HIKESHI: variants seen among roughly 807,000 people sequenced by gnomAD.
HIKESHI encodes heat shock protein nuclear import factor hikeshi.
Under a neutral mutation model 25.7 loss-of-function variants are expected in HIKESHI, and 13 were observed. The observed-to-expected ratio is 0.51, with a 90% CI of 0.33 to 0.80. HIKESHI has a LOEUF of 0.80. HIKESHI is among the 30% of genes least tolerant of loss of function. The probability of loss-of-function intolerance (pLI) is 0.02; values close to 1 mark genes in which losing one functional copy is unlikely to be tolerated. For missense variants in HIKESHI, 174 were observed against 229.5 expected, an observed-to-expected ratio of 0.76 and a Z score of 1.56; for synonymous variants, 76 against 78.7, an observed-to-expected ratio of 0.97 and a Z score of 0.18.
chr11:86,304,614 C>G (rs926959387), intron 1 of HIKESHI, among the ~76,000 whole-genome samples: 3 of 149,130 alleles, frequency 2.0e-5, no homozygotes, highest in African/African-American at 7.4e-5. Context: ...CCTCCAGGTT[C>G]AAGCAATTCT....
Position 86,306,241 on chromosome 11 carries a change from C to G in HIKESHI, c.31-4C>G. 6.2e-7 allele frequency: 1 copy of G among 1,601,040 alleles called. No homozygotes were observed. Among genetic ancestry groups the G allele is most frequent in the South Asian group, 1.1e-5 (1 of 90,200 alleles). ...TGAACTGAGACAAGTTTCTTATTTT[C>G]TAGGTGCAAACAGCTGCACAGCAAG... On this transcript the variant is annotated splice_polypyrimidine_tract_variant and splice_region_variant and intron_variant, in intron 1 of 4. Transcript: ENST00000278483.
intron 2 of HIKESHI, among the ~76,000 whole-genome samples, chr11:86,334,463 C>T (rs1396104795): frequency 6.6e-6 from 1 of 152,078 alleles, no homozygotes; most frequent in East Asian, 1.9e-4. Context: ...TTACTGTTAA[C>T]AGTGTTTTAA....
chr11:86,342,944 A>G (rs527500024), intron 3 of HIKESHI, among the ~76,000 whole-genome samples: 2 of 152,236 alleles, frequency 1.3e-5, no homozygotes, highest in African/African-American at 2.4e-5. Context: ...ATTAAATAGT[A>G]TTAGCTTGTC....
intron 3 of HIKESHI, among the ~76,000 whole-genome samples, chr11:86,338,276 TA>T (rs1398903037): frequency 6.6e-6 from 1 of 152,152 alleles, no homozygotes; most frequent in East Asian, 1.9e-4. Context: ...TCAATCATGC[TA>T]TTTGTCTTTC....
At chr11:86,310,861 C>T (rs913354271) in intron 2 of HIKESHI, among the ~76,000 whole-genome samples, 1 of 152,096 alleles carries the variant, frequency 6.6e-6, no homozygotes, top group Non-Finnish European at 1.5e-5. Flanking sequence ...TGATGGATTA[C>T]ATTTATTGAT....
rs1218981419 is a variant in HIKESHI, at chr11:86,319,242, A to AT, written c.268+12774dup. Among the ~76,000 whole-genome samples, 193 of 94,938 alleles carry AT rather than the reference A, an allele frequency of 2.0e-3. 3 individuals carry two copies. The highest frequency in any genetic ancestry group is 6.3e-3 in the Middle Eastern group (1 of 160). 62.3% of individuals were successfully genotyped at this position (94,938 alleles called of 152,430 possible). On this transcript the variant is annotated intron_variant, in intron 2 of 4. Coordinates refer to ENST00000278483, the MANE Select transcript of HIKESHI (RefSeq NM_016401.4). ...AATATATATATATATATATATATAT[A>AT]TTTTTTTTTTTTTTGAGACCAGTCT... is the stretch of plus-strand genomic sequence containing the variant.
Position 86,309,404 on chromosome 11 carries a change from T to G in HIKESHI, c.268+2922T>G, listed in dbSNP as rs984610169. The stretch of plus-strand genomic sequence containing the variant: ...GTGTGTTCATATCCGTTGTCCACTT[T>G]TTGATGGGGCTGTTTGATTTTTTTC... On this transcript the variant is annotated intron_variant, in intron 2 of 4. Coordinates refer to ENST00000278483, the MANE Select transcript of HIKESHI (RefSeq NM_016401.4). 4.6e-5 allele frequency among the ~76,000 whole-genome samples: 7 copies of G among 152,348 alleles called. No individual in the cohort carries two copies. The East Asian group carries it at 1.2e-3, about 25-fold the overall frequency.
intron 3 of HIKESHI, 114 bp downstream of exon 3, chr11:86,337,644 T>C (rs1947606849): frequency 8.6e-7 from 1 of 1,169,204 alleles, no homozygotes; most frequent in African/African-American, 1.6e-5. Context: ...TGATACATGT[T>C]TACATTTTGT....
intron 3 of HIKESHI, among the ~76,000 whole-genome samples, chr11:86,338,768 A>G (rs1428062389): frequency 6.6e-6 from 1 of 152,224 alleles, no homozygotes; most frequent in African/African-American, 2.4e-5. Flanking sequence ...TTTACAAATA[A>G]GCTGCTGTGC....
chr11:86,305,420 G>A (rs1333130432), intron 1 of HIKESHI, among the ~76,000 whole-genome samples: 1 of 151,752 alleles, frequency 6.6e-6, no homozygotes, highest in African/African-American at 2.4e-5. Context: ...ACGGAGTTTA[G>A]CTCTTGCACC....
rs183631918 is a variant in HIKESHI, at chr11:86,339,979, C to T, written c.420+2449C>T. On this transcript the variant is annotated intron_variant, in intron 3 of 4. Transcript: ENST00000278483. ...GGTGTTCTCATTGTTCAATTCCCACCTATGAGTGAGGACATGCGGTGTTTG... is the reference window on the plus strand; with the variant it reads ...GGTGTTCTCATTGTTCAATTCCCACTTATGAGTGAGGACATGCGGTGTTTG... Among the ~76,000 whole-genome samples the T allele has an allele frequency of 5.7e-3, 864 of 151,916 alleles. 10 individuals carry two copies. The highest frequency in any genetic ancestry group is 0.019 in the African/African-American group (788 of 41,404).
At chr11:86,329,650 G>GTGCAA (rs1214475647) in intron 2 of HIKESHI, among the ~76,000 whole-genome samples, 8 of 151,210 alleles carry the variant, frequency 5.3e-5, no homozygotes, top group Admixed American at 5.3e-4. Flanking sequence ...AGTGGTAAGA[G>GTGCAA]TGCAATGAGA....
intron 2 of HIKESHI, among the ~76,000 whole-genome samples, chr11:86,323,509 G>C (rs1047863116): frequency 2.6e-5 from 4 of 152,130 alleles, no homozygotes; most frequent in African/African-American, 9.7e-5. Flanking sequence ...AGGACACATT[G>C]GTTGTTTTTT....
intron 2 of HIKESHI, among the ~76,000 whole-genome samples, 179 bp downstream of exon 2, chr11:86,306,661 T>C (rs1946631344): frequency 6.6e-6 from 1 of 152,154 alleles, no homozygotes; most frequent in Non-Finnish European, 1.5e-5. Context: ...AAAGACTTCC[T>C]GGGCTCCTCT....
At chr11:86,327,904 T>C (rs2600951) in intron 2 of HIKESHI, among the ~76,000 whole-genome samples, 94,207 of 152,018 alleles carry the variant, frequency 0.62, 29,391 homozygotes, top group East Asian at 0.79. Context: ...TGGATTAAAA[T>C]GGCCTTTAAA....
At chr11:86,337,810 ACCACAC>A (rs1210100235) in intron 3 of HIKESHI, among the ~76,000 whole-genome samples, 1 of 151,360 alleles carries the variant, frequency 6.6e-6, no homozygotes, top group Non-Finnish European at 1.5e-5. Context: ...GGCACATGTC[ACCACAC>A]CCGGCTAAGT....
At chr11:86,333,393 G>T (rs567132600) in intron 2 of HIKESHI, among the ~76,000 whole-genome samples, 2 of 151,980 alleles carry the variant, frequency 1.3e-5, no homozygotes, top group East Asian at 1.9e-4. Flanking sequence ...AAAATTAGCC[G>T]GTGTGGTTGC....
At chr11:86,317,324 A>G (rs1947013787) in intron 2 of HIKESHI, among the ~76,000 whole-genome samples, 1 of 152,106 alleles carries the variant, frequency 6.6e-6, no homozygotes, top group African/African-American at 2.4e-5. Flanking sequence ...CTCTGTCTCA[A>G]AAACAGAAAC....
At chr11:86,328,404 A>G (rs985821500) in intron 2 of HIKESHI, among the ~76,000 whole-genome samples, 1 of 149,706 alleles carries the variant, frequency 6.7e-6, no homozygotes. Flanking sequence ...GACTACAGGC[A>G]CTCACCACCA....
Sources: allele counts gnomAD v4.1 joint callset (sites outside exome capture counted in the v4.1 genomes callset), GRCh38; gene constraint gnomAD v4.1.1; transcripts MANE v1.5; gene names NCBI Gene and HGNC (gene_info 2026-07-23, HGNC 2026-07-21).